The following C1orf185 variants were observed in gnomAD, a reference collection of about 807,000 sequenced individuals.
The protein encoded by C1orf185 is uncharacterized protein C1orf185.
In C1orf185, 13 loss-of-function variants were observed where a neutral mutation model predicts 16.1. That is an observed-to-expected ratio of 0.81 (90% confidence interval 0.53 to 1.28). The LOEUF is 1.28. Among genes scored for constraint, C1orf185 ranks in the 50% most tolerant of loss-of-function variants. C1orf185 has a pLI of 0.00. For missense variants in C1orf185, 220 were observed against 225.2 expected (o/e 0.98, Z 0.15); for synonymous variants, 80 against 76.9 (o/e 1.04, Z -0.21).
intron 3 of C1orf185, among the ~76,000 whole-genome samples, chr1:51,123,777 A>G (rs1380538647): frequency 7.2e-5 from 11 of 152,016 alleles, no homozygotes. Context: ...ACACCTTTTC[A>G]TGTGCTTATT....
At chr1:51,145,578 G>T in intron 3 of C1orf185, 146 bp from the exon 4 acceptor site, 1 of 395,124 alleles carries the variant, frequency 2.5e-6, no homozygotes, top group Non-Finnish European at 4.5e-6. Flanking sequence ...AATATATTTT[G>T]GTGAAAGAAA....
At chr1:51,114,114 C>T (rs1646141623) in intron 2 of C1orf185, among the ~76,000 whole-genome samples, 1 of 152,114 alleles carries the variant, frequency 6.6e-6, no homozygotes, top group African/African-American at 2.4e-5. Context: ...AGAGCAAATA[C>T]AAAGACCCTA....
chr1:51,102,231 C>A lies in C1orf185; in HGVS notation c.-3C>A. The A allele has an allele frequency of 2.8e-6, 2 of 713,616 alleles. No individual in the cohort carries two copies. The highest frequency in any genetic ancestry group is 3.0e-5 in the South Asian group (2 of 66,662). 44.2% of individuals were successfully genotyped at this position (713,616 alleles called of 1,614,324 possible). A position where few individuals can be genotyped will look rare whatever the true frequency, so the allele number is the denominator to read the frequency against. ...CAAATTCTATTGGTTAGAACTCAGT[C>A]ATATGGCTTCACCTAAAGGTATGAG... is the stretch of plus-strand genomic sequence containing the variant. On this transcript the variant is annotated 5_prime_UTR_variant, in exon 1 of 5. Transcript: ENST00000371759.
chr1:51,126,715 A>T (rs1646242939), intron 3 of C1orf185, among the ~76,000 whole-genome samples: 1 of 152,246 alleles, frequency 6.6e-6, no homozygotes, highest in Admixed American at 6.5e-5. Flanking sequence ...TAAAATCTTA[A>T]GTTACCATAG....
intron 3 of C1orf185, among the ~76,000 whole-genome samples, chr1:51,141,195 TAAG>T (rs1318031306): frequency 1.6e-4 from 25 of 152,186 alleles, no homozygotes; most frequent in Non-Finnish European, 2.9e-4. Flanking sequence ...ACAGTGATAT[TAAG>T]AAGAGATAAG....
chr1:51,121,348 ATT>A (rs747002685), intron 3 of C1orf185, among the ~76,000 whole-genome samples: 4 of 151,972 alleles, frequency 2.6e-5, no homozygotes, highest in Non-Finnish European at 4.4e-5. Context: ...TAGATTCCAC[ATT>A]TGAGTGAAAT....
At chr1:51,124,387 G>A (rs1646222610) in intron 3 of C1orf185, among the ~76,000 whole-genome samples, 1 of 152,144 alleles carries the variant, frequency 6.6e-6, no homozygotes, top group Admixed American at 6.5e-5. Flanking sequence ...TGGCCTCTTT[G>A]CACTATTTTT....
intron 4 of C1orf185, 57 bp downstream of exon 4, chr1:51,145,817 T>C (rs1024942702): frequency 3.2e-6 from 3 of 927,316 alleles, no homozygotes; most frequent in Non-Finnish European, 3.0e-6. Flanking sequence ...GCAATTCACA[T>C]CTTGAGAAAT....
At chr1:51,139,798 A>T (rs181624524) in intron 3 of C1orf185, among the ~76,000 whole-genome samples, 2 of 152,208 alleles carry the variant, frequency 1.3e-5, no homozygotes, top group African/African-American at 4.8e-5. Context: ...TCAAAATCTT[A>T]GTGCTTTATA....
intron 1 of C1orf185, 162 bp downstream of exon 1, chr1:51,102,411 G>A (rs936528431): frequency 7.0e-6 from 3 of 428,342 alleles, no homozygotes; most frequent in Non-Finnish European, 1.3e-5. Flanking sequence ...AAAGTTATTG[G>A]GGCTATTTTC....
rs537824252 is a variant in C1orf185, at chr1:51,147,971, G to A, written c.*200G>A. ...TAGAGCGGCTCTACTTCCCTTGCTG[G>A]TTCTTATTTCTAGAAACAAAATTAG... On this transcript the variant is annotated 3_prime_UTR_variant, in exon 5 of 5. Coordinates refer to ENST00000371759, the MANE Select transcript of C1orf185 (RefSeq NM_001136508.2). 1.3e-5 allele frequency: 6 copies of A among 451,590 alleles called. No individual in the cohort carries two copies. The highest frequency in any genetic ancestry group is 1.9e-5 in the Non-Finnish European group (5 of 261,708). 28.0% of individuals were successfully genotyped at this position (451,590 alleles called of 1,614,324 possible). A position where few individuals can be genotyped will look rare whatever the true frequency, so the allele number is the denominator to read the frequency against.
rs1646411862 is a variant in C1orf185 at position 51,147,893 on chromosome 1, TTC to T, written c.*124_*125del. On this transcript the variant is annotated 3_prime_UTR_variant, in exon 5 of 5. Coordinates refer to ENST00000371759, the MANE Select transcript of C1orf185 (RefSeq NM_001136508.2). The stretch of plus-strand genomic sequence containing the variant: ...TTTTGAAACCTTGTATACAATCAGC[TTC>T]TGAGTCTCTTAACATGTCCATGCTA... 3.3e-6 allele frequency: 3 copies of T among 898,892 alleles called. No homozygotes were observed. The highest frequency in any genetic ancestry group is 4.8e-6 in the Non-Finnish European group (3 of 622,728). 55.7% of individuals were successfully genotyped at this position (898,892 alleles called of 1,614,324 possible). A position where few individuals can be genotyped will look rare whatever the true frequency, so the allele number is the denominator to read the frequency against.
At chr1:51,113,926 C>A (rs1646140579) in intron 2 of C1orf185, among the ~76,000 whole-genome samples, 1 of 152,074 alleles carries the variant, frequency 6.6e-6, no homozygotes, top group Non-Finnish European at 1.5e-5. Context: ...CAACTGTGAA[C>A]AAGTTTAAAA....
chr1:51,103,015 A>C (rs972682778), intron 1 of C1orf185, among the ~76,000 whole-genome samples: 10 of 152,102 alleles, frequency 6.6e-5, no homozygotes, highest in African/African-American at 2.4e-4. Flanking sequence ...CCCCAAGCAC[A>C]GGAGCTTTTC....
chr1:51,148,591 A>G (rs1176370914), downstream of C1orf185, among the ~76,000 whole-genome samples: 1 of 152,002 alleles, frequency 6.6e-6, no homozygotes, highest in Non-Finnish European at 1.5e-5. Flanking sequence ...GCTTTTAGTA[A>G]GCAGTATAAT....
intron 2 of C1orf185, among the ~76,000 whole-genome samples, chr1:51,114,942 G>A (rs1646147062): frequency 6.6e-6 from 1 of 152,082 alleles, no homozygotes; most frequent in Non-Finnish European, 1.5e-5. Context: ...CATCACTCCT[G>A]ACCTCCTACC....
chr1:51,103,448 C>CACACACACACACACAA (rs772356987), intron 1 of C1orf185, among the ~76,000 whole-genome samples: 1 of 149,772 alleles, frequency 6.7e-6, no homozygotes, highest in Non-Finnish European at 1.5e-5. Context: ...CACACACACA[C>CACACACACACACACAA]AAAAACCACG....
intron 3 of C1orf185, among the ~76,000 whole-genome samples, chr1:51,140,415 A>G (rs1437923536): frequency 6.6e-6 from 1 of 152,216 alleles, no homozygotes; most frequent in Non-Finnish European, 1.5e-5. Context: ...CACTGAAATA[A>G]TACTAGCAGT....
intron 2 of C1orf185, among the ~76,000 whole-genome samples, chr1:51,117,562 T>C (rs1570297366): frequency 6.6e-6 from 1 of 152,316 alleles, no homozygotes; most frequent in East Asian, 1.9e-4. Flanking sequence ...TTTTACTGTC[T>C]CCATAGTTTT....
Sources: allele counts gnomAD v4.1 joint callset (sites outside exome capture counted in the v4.1 genomes callset), GRCh38; gene constraint gnomAD v4.1.1; transcripts MANE v1.5; gene names NCBI Gene and HGNC (gene_info 2026-07-23, HGNC 2026-07-21).